Variants in SLCO6A1 observed in about 807,000 individuals in gnomAD.
SLCO6A1 encodes cancer/testis antigen 48.
Under a neutral mutation model 72.7 loss-of-function variants are expected in SLCO6A1, and 65 were observed. The observed-to-expected ratio is 0.89, with a 90% CI of 0.73 to 1.10. The LOEUF (loss-of-function observed/expected upper bound fraction) is 1.10, where lower values mean the gene tolerates loss of function less well. Among genes scored for constraint, SLCO6A1 ranks in the 50% least tolerant of loss-of-function variants. The probability of loss-of-function intolerance (pLI) is 0.00; values close to 1 mark genes in which losing one functional copy is unlikely to be tolerated. For missense variants in SLCO6A1, 874 were observed against 872.6 expected (o/e 1.00, Z -0.02); for synonymous variants, 314 against 298.2 (o/e 1.05, Z -0.55).
At chr5:102,381,080 T>C (rs915389574) in intron 12 of SLCO6A1, among the ~76,000 whole-genome samples, 4 of 151,948 alleles carry the variant, frequency 2.6e-5, no homozygotes, top group Non-Finnish European at 2.9e-5. Flanking sequence ...GGTTATTTTT[T>C]TGGGGGTGAG....
intron 8 of SLCO6A1, among the ~76,000 whole-genome samples, 178 bp downstream of exon 8, chr5:102,419,648 T>G (rs1748477949): frequency 6.8e-6 from 1 of 147,396 alleles, no homozygotes; most frequent in African/African-American, 2.7e-5. Flanking sequence ...AAGATACCAT[T>G]ATAATATTTG....
chr5:102,420,364 T>C (rs965213758), intron 7 of SLCO6A1, among the ~76,000 whole-genome samples: 2 of 152,200 alleles, frequency 1.3e-5, no homozygotes, highest in Non-Finnish European at 2.9e-5. Flanking sequence ...ACAAGCTTCC[T>C]GGATTTATAG....
intron 10 of SLCO6A1, among the ~76,000 whole-genome samples, chr5:102,396,004 T>C (rs1301116578): frequency 6.6e-6 from 1 of 152,066 alleles, no homozygotes; most frequent in African/African-American, 2.4e-5. Context: ...CTGTTCACTC[T>C]GATGGTAGTT....
In SLCO6A1 at chr5:102,469,119, C is replaced by T. The variant is rs184606725; in HGVS notation, c.899+6578G>A. 6.0e-5 allele frequency among the ~76,000 whole-genome samples: 9 copies of T among 151,172 alleles called. No individual in the cohort carries two copies. The East Asian group carries it at 1.6e-3, about 26-fold the overall frequency. On this transcript the variant is annotated intron_variant, in intron 4 of 13. Coordinates refer to ENST00000506729, the MANE Select transcript of SLCO6A1 (RefSeq NM_173488.5). The stretch of plus-strand genomic sequence containing the variant: ...GATGCCTCCAGCTTTGTTCTTTTTG[C>T]TTAGGATTGTCTTGGCTATGCAGGC...
chr5:102,407,458 A>C (rs528912636), intron 9 of SLCO6A1, among the ~76,000 whole-genome samples: 2 of 152,324 alleles, frequency 1.3e-5, no homozygotes, highest in East Asian at 3.9e-4. Context: ...ACCTTGAATG[A>C]TGCCCTTGAA....
chr5:102,453,281 T>G (rs1288438336), intron 6 of SLCO6A1, among the ~76,000 whole-genome samples: 1 of 150,626 alleles, frequency 6.6e-6, no homozygotes, highest in Non-Finnish European at 1.5e-5. Context: ...GAGGCTGCAG[T>G]GAGCCATGAT....
intron 6 of SLCO6A1, among the ~76,000 whole-genome samples, chr5:102,445,177 C>T (rs1167663674): frequency 6.6e-6 from 1 of 152,204 alleles, no homozygotes; most frequent in Non-Finnish European, 1.5e-5. Context: ...AAGTGATTTA[C>T]ATTCCCTCCA....
intron 9 of SLCO6A1, among the ~76,000 whole-genome samples, chr5:102,400,779 G>A (rs992413113): frequency 3.3e-5 from 5 of 151,992 alleles, no homozygotes; most frequent in Non-Finnish European, 7.4e-5. Context: ...CAGTTTGATA[G>A]GTGAAGTTGC....
At chr5:102,374,012 T>A (rs1745635549) in intron 12 of SLCO6A1, among the ~76,000 whole-genome samples, 1 of 144,704 alleles carries the variant, frequency 6.9e-6, no homozygotes, top group Admixed American at 6.7e-5. Flanking sequence ...TTTAATTAAT[T>A]CTTTTTCAAT....
At chr5:102,431,214 A>C (rs1212823666) in intron 7 of SLCO6A1, among the ~76,000 whole-genome samples, 1 of 151,530 alleles carries the variant, frequency 6.6e-6, no homozygotes, top group Admixed American at 6.6e-5. Flanking sequence ...CAACTCTTGG[A>C]TTCATTGTTC....
chr5:102,492,011 C>A (rs1171566654), intron 1 of SLCO6A1, among the ~76,000 whole-genome samples: 1 of 152,254 alleles, frequency 6.6e-6, no homozygotes, highest in Non-Finnish European at 1.5e-5. Context: ...GCAGTCACAT[C>A]TTACATGGCC....
chr5:102,390,254 A>G (rs1165386260), intron 11 of SLCO6A1, among the ~76,000 whole-genome samples: 1 of 152,114 alleles, frequency 6.6e-6, no homozygotes, highest in African/African-American at 2.4e-5. Flanking sequence ...TTCCTATGCT[A>G]CCTCTTCCAT....
chr5:102,482,356 C>T (rs1018768043), intron 1 of SLCO6A1, among the ~76,000 whole-genome samples: 9 of 152,100 alleles, frequency 5.9e-5, no homozygotes, highest in Admixed American at 1.3e-4. Context: ...AGAGGAAATG[C>T]AGAGCTGCTA....
At position 102,413,116 on chromosome 5, in the gene SLCO6A1, A is replaced by C. The variant is rs1748081358; in HGVS notation, c.1500T>G (p.Ala500=). The C allele has an allele frequency of 6.4e-7, 1 of 1,565,024 alleles. No homozygotes were observed. Among genetic ancestry groups the C allele is most frequent in the South Asian group, 1.3e-5 (1 of 77,948 alleles). ...AGCATCTACATTTTTCATTGCAAGGAGCCGTGAGGTTTCCCAACTTCCCTG... is the reference window on the plus strand; with the variant it reads ...AGCATCTACATTTTTCATTGCAAGGCGCCGTGAGGTTTCCCAACTTCCCTG... ...DGTGKLGNLT[A]PCNEKCRCSS... The change falls in exon 9 of 14, where the codon GCT becomes GCG. Residue 500 remains alanine, a synonymous_variant. Coordinates refer to ENST00000506729, the MANE Select transcript of SLCO6A1 (RefSeq NM_173488.5).
intron 1 of SLCO6A1, among the ~76,000 whole-genome samples, chr5:102,483,477 T>G (rs953722753): frequency 6.6e-6 from 1 of 152,166 alleles, no homozygotes; most frequent in African/African-American, 2.4e-5. Flanking sequence ...TTCCTTCATT[T>G]TGGAAGAGAG....
At chr5:102,463,895 A>AG (rs1751173744) in intron 4 of SLCO6A1, among the ~76,000 whole-genome samples, 1 of 87,654 alleles carries the variant, frequency 1.1e-5, no homozygotes, top group Non-Finnish European at 2.7e-5. Flanking sequence ...TCAAAAAAGA[A>AG]GAAAAAAAAA....
chr5:102,432,434 T>TA (rs1749271986), intron 7 of SLCO6A1, among the ~76,000 whole-genome samples: 1 of 152,198 alleles, frequency 6.6e-6, no homozygotes, highest in Non-Finnish European at 1.5e-5. Flanking sequence ...GGTCTGGTGG[T>TA]AAAAAATTCC....
chr5:102,377,754 C>T (rs935801184), intron 12 of SLCO6A1, among the ~76,000 whole-genome samples: 1 of 151,932 alleles, frequency 6.6e-6, no homozygotes, highest in South Asian at 2.1e-4. Context: ...TCACCGCAAT[C>T]TCCACCTCCC....
At chr5:102,441,033 AC>A (rs1288412068) in intron 6 of SLCO6A1, among the ~76,000 whole-genome samples, 1 of 152,140 alleles carries the variant, frequency 6.6e-6, no homozygotes, top group African/African-American at 2.4e-5. Flanking sequence ...AACATTAATC[AC>A]TTGGATTTAG....
Sources: allele counts gnomAD v4.1 joint callset (sites outside exome capture counted in the v4.1 genomes callset), GRCh38; gene constraint gnomAD v4.1.1; transcripts MANE v1.5; gene names NCBI Gene and HGNC (gene_info 2026-07-23, HGNC 2026-07-21).